Variants in HMMR observed in about 807,000 individuals in gnomAD.
The protein encoded by HMMR is hyaluronan mediated motility receptor.
HMMR carries 108 observed loss-of-function variants against 101.0 expected under a neutral mutation model. The observed-to-expected ratio is 1.07, with a 90% CI of 0.92 to 1.25. The LOEUF is 1.25. HMMR is among the 50% of genes most tolerant of loss of function. The pLI is 0.00. For missense variants in HMMR, 813 were observed against 788.7 expected (o/e 1.03, Z -0.37); for synonymous variants, 296 against 276.4 (o/e 1.07, Z -0.70).
intron 16 of HMMR, among the ~76,000 whole-genome samples, chr5:163,488,097 C>G (rs1469514751): frequency 6.6e-6 from 1 of 152,220 alleles, no homozygotes; most frequent in Non-Finnish European, 1.5e-5. Flanking sequence ...CTCAAGGAAT[C>G]TACCAGCTTT....
chr5:163,478,781 G>A lies in HMMR; in HGVS notation c.1366G>A (p.Val456Ile). 1 of 1,598,870 alleles carries A rather than the reference G, an allele frequency of 6.3e-7. No homozygotes were observed. Among genetic ancestry groups the A allele is most frequent in the Non-Finnish European group, 8.6e-7 (1 of 1,166,150 alleles). Reference protein sequence around the residue: ...YDSMVQSLEDVTAQFESYKAL... With the variant: ...YDSMVQSLEDITAQFESYKAL... ...CAGTATGGTGCAAAGCCTTGAAGAT[G>A]TTACTGCTCAATTTGAAAGGTATTT... The change falls in exon 12 of 18, where the codon GTT becomes ATT. Residue 456 changes from valine (V) to isoleucine (I), a missense_variant. Transcript: ENST00000393915.
At position 163,490,105 on chromosome 5, in the gene HMMR, A is replaced by G. The variant is rs562743315; in HGVS notation, c.1963-285A>G. On this transcript the variant is annotated intron_variant, in intron 16 of 17. Coordinates refer to ENST00000393915, the MANE Select transcript of HMMR (RefSeq NM_001142556.2). ...AGGTCAGCAGAACTTTCATGCTGTCATGCCAGAAGTCCATCTCAGCAATTA... is the reference window on the plus strand; with the variant it reads ...AGGTCAGCAGAACTTTCATGCTGTCGTGCCAGAAGTCCATCTCAGCAATTA... Among the ~76,000 whole-genome samples, 6 of 152,328 alleles carry G rather than the reference A, an allele frequency of 3.9e-5. No individual in the cohort carries two copies. The East Asian group carries it at 9.7e-4, about 25-fold the overall frequency.
At chr5:163,474,491 A>T (rs1444611402) in intron 10 of HMMR, 1 of 477,266 alleles carries the variant, frequency 2.1e-6, no homozygotes, top group Admixed American at 2.4e-5. Flanking sequence ...CTATATAAAC[A>T]TTTACACTTA....
Position 163,473,675 on chromosome 5 carries a change from T to G in HMMR, c.904+118T>G, listed in dbSNP as rs1758973653. 8.2e-6 allele frequency: 5 copies of G among 607,026 alleles called. No individual in the cohort carries two copies. In the East Asian group the frequency reaches 1.5e-4, roughly 18 times the overall value. The allele number at this position is 607,026 out of a possible 1,614,324, so 37.6% of individuals were successfully genotyped here. A position where few individuals can be genotyped will look rare whatever the true frequency, so the allele number is the denominator to read the frequency against. On this transcript the variant is annotated intron_variant, in intron 9 of 17. Transcript: ENST00000393915. ...TAATTAGCTATACTAACATTTTAAA[T>G]ATAATTAGCTATATAGCTATACAAC... is the stretch of plus-strand genomic sequence containing the variant.
At chr5:163,482,399 CTG>C (rs1329268124) in intron 12 of HMMR, among the ~76,000 whole-genome samples, 1 of 152,158 alleles carries the variant, frequency 6.6e-6, no homozygotes, top group Non-Finnish European at 1.5e-5. Flanking sequence ...TTTTCCATCT[CTG>C]TATGCATACT....
At chr5:163,469,370 CAAAAA>C (rs11325489) in intron 4 of HMMR, among the ~76,000 whole-genome samples, 1 of 108,254 alleles carries the variant, frequency 9.2e-6, no homozygotes, top group Non-Finnish European at 2.0e-5. Context: ...GACTCCATCT[CAAAAA>C]AAAAAAAAAA....
chr5:163,485,116 C>G (rs1046345602), intron 16 of HMMR, among the ~76,000 whole-genome samples: 2 of 152,028 alleles, frequency 1.3e-5, no homozygotes, highest in African/African-American at 4.8e-5. Flanking sequence ...TTTCCTGGGA[C>G]ATATTATTTC....
rs773829433 is a variant in HMMR at position 163,483,254 on chromosome 5, A to G, written c.1686-14A>G. 6.3e-7 allele frequency: 1 copy of G among 1,599,462 alleles called. No homozygotes were observed. Among genetic ancestry groups the G allele is most frequent in the Non-Finnish European group, 8.5e-7 (1 of 1,170,550 alleles). On this transcript the variant is annotated splice_polypyrimidine_tract_variant and intron_variant, in intron 14 of 17. Transcript: ENST00000393915. ...AAATAACTATGTTTTTCTCAATTTA[A>G]TTCTTCCATGCAGAAAAGCTGAAAA...
intron 1 of HMMR, among the ~76,000 whole-genome samples, chr5:163,461,027 A>G (rs1360911736): frequency 6.6e-6 from 1 of 152,196 alleles, no homozygotes; most frequent in African/African-American, 2.4e-5. Flanking sequence ...GGCGAAGGGA[A>G]TGGACCCGAG....
At chr5:163,480,861 A>G (rs1466659298) in intron 12 of HMMR, among the ~76,000 whole-genome samples, 1 of 152,076 alleles carries the variant, frequency 6.6e-6, no homozygotes. Context: ...GGTTACAGGT[A>G]TCTTCTGCCA....
chr5:163,484,692 A>G (rs889933805), intron 16 of HMMR, among the ~76,000 whole-genome samples: 3 of 152,172 alleles, frequency 2.0e-5, no homozygotes, highest in African/African-American at 7.2e-5. Context: ...AACCATCACC[A>G]TAGTCAATTT....
Position 163,490,450 on chromosome 5 carries a change from G to T in HMMR, c.2023G>T (p.Glu675Ter). Residue 675 changes from glutamate (E) to a stop codon, truncating the protein, a stop_gained, in exon 17 of 18, where the codon GAG (glutamate) becomes TAG (stop). Coordinates refer to ENST00000393915, the MANE Select transcript of HMMR (RefSeq NM_001142556.2). LOFTEE classifies it high-confidence loss of function. ...KKKQSETKLQ[E>*]ELNKVLGIKH... is the part of the protein sequence containing the mutation. ...AAAACAAAGTGAGACAAAACTTCAAGAGGAATTGAATAAAGTTCTAGGTAT... is the reference window on the plus strand; with the variant it reads ...AAAACAAAGTGAGACAAAACTTCAATAGGAATTGAATAAAGTTCTAGGTAT... 6.3e-7 allele frequency: 1 copy of T among 1,598,674 alleles called. No individual in the cohort carries two copies. The highest frequency in any genetic ancestry group is 8.5e-7 in the Non-Finnish European group (1 of 1,173,780).
chr5:163,465,775 T>G (rs1371031077), intron 3 of HMMR, among the ~76,000 whole-genome samples: 1 of 151,474 alleles, frequency 6.6e-6, no homozygotes, highest in Admixed American at 6.6e-5. Flanking sequence ...CTGGCCAACA[T>G]GTAGTCAAAC....
At position 163,482,710 on chromosome 5, in the gene HMMR, C is replaced by T. The variant is rs299295; in HGVS notation, c.1454C>T (p.Ala485Val). The T allele has an allele frequency of 0.24, 379,534 of 1,609,806 alleles. 46,728 individuals are homozygous for T. Among genetic ancestry groups the T allele is most frequent in the African/African-American group, 0.3 (22,098 of 74,760 alleles). The part of the protein sequence containing the change: ...KLENSSLQEK[A>V]AKAGKNAEDV... Reference sequence around the variant, plus strand: ...GAGAACTCATCATTACAGGAAAAAGCGGCCAAGGCTGGGAAAAATGCAGAG... The same window carrying T: ...GAGAACTCATCATTACAGGAAAAAGTGGCCAAGGCTGGGAAAAATGCAGAG... Residue 485 changes from alanine (A) to valine (V), a missense_variant, in exon 13 of 18, where the codon GCG (alanine) becomes GTG (valine). Physicochemically the swap from Ala to Val is moderately conservative, Grantham distance 64. Transcript: ENST00000393915.
At chr5:163,481,414 G>A (rs576508568) in intron 12 of HMMR, among the ~76,000 whole-genome samples, 37 of 151,920 alleles carry the variant, frequency 2.4e-4, no homozygotes, top group Non-Finnish European at 5.0e-4. Flanking sequence ...TGTGATTTTA[G>A]TCACTATCCA....
At chr5:163,474,267 T>C (rs2113481282) in intron 10 of HMMR, 62 bp downstream of exon 10, 1 of 1,251,648 alleles carries the variant, frequency 8.0e-7, no homozygotes, top group Admixed American at 2.0e-5. Context: ...CCTATGTCTC[T>C]GAACACCTTT....
chr5:163,488,822 G>A (rs1425449797), intron 16 of HMMR, among the ~76,000 whole-genome samples: 1 of 152,158 alleles, frequency 6.6e-6, no homozygotes, highest in Non-Finnish European at 1.5e-5. Flanking sequence ...GAGCAGTGCT[G>A]GATATTTATT....
Position 163,463,850 on chromosome 5 carries a change from C to T in HMMR, c.47-6C>T. The T allele has an allele frequency of 7.8e-7, 1 of 1,290,046 alleles. No homozygotes were observed. Among genetic ancestry groups the T allele is most frequent in the Non-Finnish European group, 1.0e-6 (1 of 952,494 alleles). The allele number at this position is 1,290,046 out of a possible 1,614,324, so 79.9% of individuals were successfully genotyped here. On this transcript the variant is annotated splice_polypyrimidine_tract_variant and splice_region_variant and intron_variant, in intron 1 of 17. Transcript: ENST00000393915. Reference sequence around the variant, plus strand: ...ATAATATATTAATGTTTTCTATTTCCTCTAGGTTGTGCACCATCTCCAGGT... The same window carrying T: ...ATAATATATTAATGTTTTCTATTTCTTCTAGGTTGTGCACCATCTCCAGGT...
At chr5:163,483,697 T>G (rs1230946101) in intron 15 of HMMR, among the ~76,000 whole-genome samples, 2 of 152,160 alleles carry the variant, frequency 1.3e-5, no homozygotes, top group African/African-American at 4.8e-5. Context: ...CCTATTTTAA[T>G]TTGTGGTATG....
Sources: gnomAD v4.1 joint callset for allele counts (sites outside exome capture counted in the v4.1 genomes callset) on GRCh38, gnomAD v4.1.1 for gene constraint, MANE v1.5 for transcripts, NCBI Gene and HGNC (gene_info 2026-07-23, HGNC 2026-07-21) for gene names.